The following SIPA1L2 variants were observed in gnomAD, a reference collection of about 807,000 sequenced individuals.
SIPA1L2 encodes signal induced proliferation associated 1 like 2.
SIPA1L2 carries 56 observed loss-of-function variants against 163.9 expected under a neutral mutation model. The observed-to-expected ratio is 0.34, with a 90% CI of 0.28 to 0.43. The LOEUF (loss-of-function observed/expected upper bound fraction) is 0.43, where lower values mean the gene tolerates loss of function less well. Among genes scored for constraint, SIPA1L2 ranks in the 20% least tolerant of loss-of-function variants. The probability of loss-of-function intolerance (pLI) is 1.00; values close to 1 mark genes in which losing one functional copy is unlikely to be tolerated. For missense variants in SIPA1L2, 1,974 were observed against 2,193.5 expected (o/e 0.90, Z 2.00); for synonymous variants, 877 against 865.7 (o/e 1.01, Z -0.23).
chr1:232,622,444 A>T (rs1447952239), intron 1 of SIPA1L2, among the ~76,000 whole-genome samples: 1 of 152,254 alleles, frequency 6.6e-6, no homozygotes, highest in Admixed American at 6.5e-5. Flanking sequence ...GACTACAGAC[A>T]GTACTACACA....
At chr1:232,435,728 CG>C (rs1662522374) in intron 15 of SIPA1L2, among the ~76,000 whole-genome samples, 2 of 151,828 alleles carry the variant, frequency 1.3e-5, no homozygotes, top group Admixed American at 1.3e-4. Context: ...GCCCTGCCCT[CG>C]AAGAAAGAAA....
chr1:232,539,460 G>A (rs1573048899), intron 2 of SIPA1L2, among the ~76,000 whole-genome samples: 1 of 152,168 alleles, frequency 6.6e-6, no homozygotes, highest in African/African-American at 2.4e-5. Flanking sequence ...CTTCAAGGAC[G>A]GGAGAAGACA....
At chr1:232,542,759 C>T (rs578101694) in intron 2 of SIPA1L2, among the ~76,000 whole-genome samples, 24 of 152,178 alleles carry the variant, frequency 1.6e-4, no homozygotes, top group African/African-American at 2.4e-4. Context: ...TGCAGTTACG[C>T]GATCTCATGT....
intron 1 of SIPA1L2, among the ~76,000 whole-genome samples, chr1:232,576,482 C>T (rs1397862267): frequency 2.0e-5 from 3 of 150,430 alleles, no homozygotes; most frequent in Non-Finnish European, 2.9e-5. Context: ...ACCAGCCTCC[C>T]CCATTTCTCT....
chr1:232,403,332 G>T, intron 21 of SIPA1L2, 116 bp downstream of exon 21: 1 of 1,333,778 alleles, frequency 7.5e-7, no homozygotes, highest in Non-Finnish European at 1.0e-6. Flanking sequence ...TTCAGGACTG[G>T]GAAAGGGCAT....
At chr1:232,517,887 T>C (rs893659735) in intron 2 of SIPA1L2, among the ~76,000 whole-genome samples, 1 of 150,418 alleles carries the variant, frequency 6.6e-6, no homozygotes, top group Non-Finnish European at 1.5e-5. Flanking sequence ...CAAAAACCTG[T>C]TTTTTTTTAA....
At chr1:232,626,893 T>A (rs1419230715) in intron 1 of SIPA1L2, among the ~76,000 whole-genome samples, 1 of 152,180 alleles carries the variant, frequency 6.6e-6, no homozygotes, top group African/African-American at 2.4e-5. Context: ...TGACAGGTGG[T>A]AGAGGCAGGA....
At chr1:232,577,311 A>G (rs777071006) in intron 1 of SIPA1L2, among the ~76,000 whole-genome samples, 19 of 152,208 alleles carry the variant, frequency 1.2e-4, no homozygotes, top group Admixed American at 1.2e-3. Context: ...GCTCAGAAAA[A>G]AAGATTCCTT....
At chr1:232,457,037 A>T (rs563375486) in intron 10 of SIPA1L2, among the ~76,000 whole-genome samples, 2 of 152,286 alleles carry the variant, frequency 1.3e-5, no homozygotes, top group South Asian at 4.1e-4. Context: ...GCTGAGGGAC[A>T]AGCTAGACTG....
At chr1:232,534,378 A>G (rs1657175526) in intron 2 of SIPA1L2, among the ~76,000 whole-genome samples, 2 of 152,252 alleles carry the variant, frequency 1.3e-5, no homozygotes, top group African/African-American at 4.8e-5. Context: ...CGGCATATAC[A>G]AAAATTAACT....
At chr1:232,613,182 C>T (rs896347314) in intron 1 of SIPA1L2, among the ~76,000 whole-genome samples, 3 of 152,166 alleles carry the variant, frequency 2.0e-5, no homozygotes, top group African/African-American at 7.2e-5. Flanking sequence ...TTGCCAGTCT[C>T]GGGTATGTCT....
At chr1:232,596,004 C>T (rs1424847999) in intron 1 of SIPA1L2, among the ~76,000 whole-genome samples, 2 of 152,156 alleles carry the variant, frequency 1.3e-5, no homozygotes, top group African/African-American at 4.8e-5. Flanking sequence ...AGTAACTTCC[C>T]TTGCTCTTTT....
At position 232,528,978 on chromosome 1, in the gene SIPA1L2, T is replaced by C. The variant is rs182260589; in HGVS notation, c.-269-13370A>G. ...GAACATGAGATCTTAAGGGAGATAA[T>C]CTGTTCTCACACCCCCACTTTATAA... is the stretch of plus-strand genomic sequence containing the variant. On this transcript the variant is annotated intron_variant, in intron 2 of 22. Transcript: ENST00000674635. Among the ~76,000 whole-genome samples, 349 of 152,338 alleles carry C rather than the reference T, an allele frequency of 2.3e-3. 2 individuals carry two copies. The Middle Eastern group carries it at 0.024, about 10-fold the overall frequency.
At chr1:232,433,080 C>G (rs1182871984) in intron 15 of SIPA1L2, among the ~76,000 whole-genome samples, 1 of 152,162 alleles carries the variant, frequency 6.6e-6, no homozygotes, top group Non-Finnish European at 1.5e-5. Context: ...CCCTGCTGCA[C>G]GTGCAACTGT....
At chr1:232,604,954 G>A (rs1352841879) in intron 1 of SIPA1L2, among the ~76,000 whole-genome samples, 1 of 152,128 alleles carries the variant, frequency 6.6e-6, no homozygotes. Context: ...GCAGAACCGT[G>A]AGCCAATTAA....
Position 232,428,627 on chromosome 1 carries a change from T to C in SIPA1L2, c.4257-63A>G, listed in dbSNP as rs1275328867. The C allele has an allele frequency of 4.6e-6, 6 of 1,303,214 alleles. No homozygotes were observed. In the East Asian group the frequency reaches 1.7e-4, roughly 36 times the overall value. 80.7% of individuals were successfully genotyped at this position (1,303,214 alleles called of 1,614,324 possible). The stretch of plus-strand genomic sequence containing the variant: ...GTAAAGTGCCTGTAGTGGTAAGAAT[T>C]AAAACCTAGGAAGCAGTTTCAACAG... On this transcript the variant is annotated intron_variant, in intron 16 of 22. Coordinates refer to ENST00000674635, the MANE Select transcript of SIPA1L2 (RefSeq NM_020808.5).
rs142103417 is a variant in SIPA1L2, at chr1:232,589,611, T to C, written c.-318-15389A>G. On this transcript the variant is annotated intron_variant, in intron 1 of 22. Coordinates refer to ENST00000674635, the MANE Select transcript of SIPA1L2 (RefSeq NM_020808.5). ...AGATACTGAGTTCTAAAAATATCCT[T>C]GGCATAACTTACAAATAACTCAGTT... Among the ~76,000 whole-genome samples, 377 of 152,356 alleles carry C rather than the reference T, an allele frequency of 2.5e-3. 2 individuals carry two copies. Among genetic ancestry groups the C allele is most frequent in the African/African-American group, 8.2e-3 (342 of 41,594 alleles).
chr1:232,548,067 A>G (rs1658147538), intron 2 of SIPA1L2, among the ~76,000 whole-genome samples: 2 of 152,242 alleles, frequency 1.3e-5, no homozygotes, highest in African/African-American at 4.8e-5. Context: ...ACAAGTAGAA[A>G]GCCAATTTTC....
At position 232,619,346 on chromosome 1, in the gene SIPA1L2, T is replaced by C. The variant is rs532695644; in HGVS notation, c.-319+10523A>G. ...AAGAAGCTGTAGCGCCCATCTATCA[T>C]ATGGTCTCATTTACACAGGAATCTT... On this transcript the variant is annotated intron_variant, in intron 1 of 22. Transcript: ENST00000674635. 9.2e-5 allele frequency among the ~76,000 whole-genome samples: 14 copies of C among 152,358 alleles called. 1 individual carries two copies. The highest frequency in any genetic ancestry group is 3.4e-4 in the African/African-American group (14 of 41,578).
Sources: allele counts gnomAD v4.1 joint callset (sites outside exome capture counted in the v4.1 genomes callset), GRCh38; gene constraint gnomAD v4.1.1; transcripts MANE v1.5; gene names NCBI Gene and HGNC (gene_info 2026-07-23, HGNC 2026-07-21).